SNN: variants seen among roughly 807,000 people sequenced by gnomAD.
SNN encodes stannin, also known as AG8_1.
A neutral mutation model predicts 5.3 loss-of-function variants in SNN; 5 were observed. The ratio of observed to expected loss-of-function variants is 0.94; its 90% CI spans 0.49 to 1.97. The LOEUF (loss-of-function observed/expected upper bound fraction) is 1.97. Among genes scored for constraint, SNN ranks in the 30% most tolerant of loss-of-function variants. The pLI is 0.01. For synonymous variants in SNN, 67 were observed against 52.1 expected (o/e 1.29, Z -1.24); for missense variants, 127 against 121.6 (o/e 1.04, Z -0.21).
rs1047508327 is a variant in SNN at position 11,677,038 on chromosome 16, A to G, written c.*712A>G. 1 of 167,150 alleles carries G rather than the reference A, an allele frequency of 6.0e-6. No homozygotes were observed. The highest frequency in any genetic ancestry group is 1.5e-5 in the Non-Finnish European group (1 of 68,180). The allele number at this position is 167,150 out of a possible 1,614,324, so 10.4% of individuals were successfully genotyped here. On this transcript the variant is annotated 3_prime_UTR_variant, in exon 2 of 2. Coordinates refer to ENST00000329565, the MANE Select transcript of SNN (RefSeq NM_003498.6). This position sits in a 1 kb window ranked among gnomAD's most constrained non-coding sequence, Gnocchi z 4.2. ...GGAGTTACTGCAGGGAAGCTACCGG[A>G]CCTGCCTGGGAGCCAGTGAAGGGCG...
rs2050321896 is a variant in SNN at position 11,678,036 on chromosome 16, G to A, written c.*1710G>A. On this transcript the variant is annotated 3_prime_UTR_variant, in exon 2 of 2. Coordinates refer to ENST00000329565, the MANE Select transcript of SNN (RefSeq NM_003498.6). ...AGCCGGCTGGGCCACCTGAGCAGAA[G>A]GTGGTAATGAAACACCTCAGCTGGG... The A allele has an allele frequency of 1.2e-5, 2 of 167,342 alleles. No individual in the cohort carries two copies. Among genetic ancestry groups the A allele is most frequent in the South Asian group, 4.1e-4 (2 of 4,830 alleles). The allele number at this position is 167,342 out of a possible 1,614,324, so 10.4% of individuals were successfully genotyped here. A position where few individuals can be genotyped will look rare whatever the true frequency, so the allele number is the denominator to read the frequency against.
intron 1 of SNN, among the ~76,000 whole-genome samples, chr16:11,673,179 A>G (rs2050276968): frequency 6.6e-6 from 1 of 152,104 alleles, no homozygotes; most frequent in Non-Finnish European, 1.5e-5. Flanking sequence ...AGGCTCACCC[A>G]GCCATGGTGG....
In SNN at chr16:11,678,897, C is replaced by G; in HGVS notation, c.*2571C>G. 2.6e-6 allele frequency: 1 copy of G among 382,232 alleles called. No homozygotes were observed. Among genetic ancestry groups the G allele is most frequent in the South Asian group, 3.1e-5 (1 of 31,942 alleles). 23.7% of individuals were successfully genotyped at this position (382,232 alleles called of 1,614,324 possible). Reference sequence around the variant, plus strand: ...TAAGCATTCATCCTTCGTATCACTGCAGAAGCAACAGTGGGGGCACAGGGA... The same window carrying G: ...TAAGCATTCATCCTTCGTATCACTGGAGAAGCAACAGTGGGGGCACAGGGA... On this transcript the variant is annotated 3_prime_UTR_variant, in exon 2 of 2. Transcript: ENST00000329565.
rs1035164390 is a variant in SNN, at chr16:11,673,324, G to C, written c.-85-2651G>C. Among the ~76,000 whole-genome samples the C allele has an allele frequency of 3.9e-5, 6 of 152,270 alleles. No individual in the cohort carries two copies. In the South Asian group the frequency reaches 8.3e-4, roughly 21 times the overall value. On this transcript the variant is annotated intron_variant, in intron 1 of 1. Coordinates refer to ENST00000329565, the MANE Select transcript of SNN (RefSeq NM_003498.6). Reference sequence around the variant, plus strand: ...CTGTACATGCAGGGGACAGAGCAGGGCCACCGTGGAGCTCATGGCCCGCTG... The same window carrying C: ...CTGTACATGCAGGGGACAGAGCAGGCCCACCGTGGAGCTCATGGCCCGCTG...
intron 1 of SNN, among the ~76,000 whole-genome samples, chr16:11,670,326 G>C (rs1219909662): frequency 6.6e-6 from 1 of 151,668 alleles, no homozygotes; most frequent in East Asian, 1.9e-4. Context: ...GCTGCAAGGC[G>C]GGGGTGTTTT....
At position 11,676,290 on chromosome 16, in the gene SNN, G is replaced by A; in HGVS notation, c.231G>A (p.Lys77=). 6.2e-7 allele frequency: 1 copy of A among 1,614,176 alleles called. No individual in the cohort carries two copies. The highest frequency in any genetic ancestry group is 8.5e-7 in the Non-Finnish European group (1 of 1,180,002). Reference sequence around the variant, plus strand: ...GACCGTGCGTGGAGAGAAAGGCCAAGCTGATGACTCCCAACGGCCCGGAAG... The same window carrying A: ...GACCGTGCGTGGAGAGAAAGGCCAAACTGATGACTCCCAACGGCCCGGAAG... The part of the protein sequence containing the change: ...AKGPCVERKA[K]LMTPNGPEVH... The change falls in exon 2 of 2, where the codon AAG becomes AAA. Residue 77 remains lysine, a synonymous_variant. Coordinates refer to ENST00000329565, the MANE Select transcript of SNN (RefSeq NM_003498.6).
rs2141935414 is a variant in SNN, at chr16:11,668,968, G to A, written c.-86+428G>A. ...CGTCCGGCGCCCGTCTCGCGGGTAG[G>A]GAAACTGAGGCCGGGCCGCAGCGTT... On this transcript the variant is annotated intron_variant, in intron 1 of 1. Transcript: ENST00000329565. This position sits in a 1 kb window ranked among gnomAD's most constrained non-coding sequence, Gnocchi z 6.8. Among the ~76,000 whole-genome samples, 1 of 152,172 alleles carries A rather than the reference G, an allele frequency of 6.6e-6. No homozygotes were observed. Among genetic ancestry groups the A allele is most frequent in the East Asian group, 1.9e-4 (1 of 5,156 alleles).
intron 1 of SNN, among the ~76,000 whole-genome samples, chr16:11,670,664 C>G (rs1473270423): frequency 6.6e-6 from 1 of 152,206 alleles, no homozygotes; most frequent in Non-Finnish European, 1.5e-5. Flanking sequence ...AAACTGAGGC[C>G]AAGAGGAGCA....
Position 11,676,404 on chromosome 16 carries a change from GCTGT to G in SNN, c.*82_*85del. Reference sequence around the variant, plus strand: ...AGGGGCAAAACCATACGGATGCGCTGCTGTCTGAGAGGAAGGGCTGACACTTGCT... The same window carrying G: ...AGGGGCAAAACCATACGGATGCGCTGCTGAGAGGAAGGGCTGACACTTGCT... On this transcript the variant is annotated 3_prime_UTR_variant, in exon 2 of 2. Transcript: ENST00000329565. The G allele has an allele frequency of 6.7e-7, 1 of 1,485,190 alleles. No homozygotes were observed. The highest frequency in any genetic ancestry group is 1.3e-5 in the South Asian group (1 of 78,152). The allele number at this position is 1,485,190 out of a possible 1,614,324, so 92.0% of individuals were successfully genotyped here. A position where few individuals can be genotyped will look rare whatever the true frequency, so the allele number is the denominator to read the frequency against.
chr16:11,669,481 G>C (rs572791338), intron 1 of SNN, among the ~76,000 whole-genome samples: 2 of 152,242 alleles, frequency 1.3e-5, no homozygotes, highest in Non-Finnish European at 1.5e-5. Flanking sequence ...ATCCCTGCGC[G>C]TCTACTTTTG....
chr16:11,675,258 C>CTTT (rs769141223), intron 1 of SNN, among the ~76,000 whole-genome samples: 20 of 125,318 alleles, frequency 1.6e-4, no homozygotes, highest in East Asian at 2.3e-4. Context: ...TTTTTTTTTT[C>CTTT]TTTTTTTTTT....
chr16:11,669,372 G>A (rs2050251556), intron 1 of SNN, among the ~76,000 whole-genome samples: 1 of 152,256 alleles, frequency 6.6e-6, no homozygotes, highest in Non-Finnish European at 1.5e-5. Context: ...TCACCTGTCC[G>A]CGGCCCCTCA....
chr16:11,678,890 A>G lies in SNN; in HGVS notation c.*2564A>G. On this transcript the variant is annotated 3_prime_UTR_variant, in exon 2 of 2. Transcript: ENST00000329565. ...AAGAAATTAAGCATTCATCCTTCGT[A>G]TCACTGCAGAAGCAACAGTGGGGGC... The G allele has an allele frequency of 2.9e-6, 1 of 339,364 alleles. No individual in the cohort carries two copies. The highest frequency in any genetic ancestry group is 3.9e-5 in the South Asian group (1 of 25,510). 21.0% of individuals were successfully genotyped at this position (339,364 alleles called of 1,614,324 possible).
rs984701584 is a variant in SNN, at chr16:11,672,520, G to C, written c.-85-3455G>C. Reference sequence around the variant, plus strand: ...GTGGGGACGCCTGGGGAGGCAGGGAGCTTGGATTCTCTTTGGTGCTGGGGA... The same window carrying C: ...GTGGGGACGCCTGGGGAGGCAGGGACCTTGGATTCTCTTTGGTGCTGGGGA... On this transcript the variant is annotated intron_variant, in intron 1 of 1. Transcript: ENST00000329565. The surrounding 1 kb of genome is among the most constrained non-coding windows in gnomAD (Gnocchi z 6.0). Among the ~76,000 whole-genome samples, 1 of 152,308 alleles carries C rather than the reference G, an allele frequency of 6.6e-6. No homozygotes were observed. Among genetic ancestry groups the C allele is most frequent in the African/African-American group, 2.4e-5 (1 of 41,568 alleles).
At position 11,672,067 on chromosome 16, in the gene SNN, A is replaced by T. The variant is rs1256903178; in HGVS notation, c.-86+3527A>T. ...TGCTCAGGGTTCTGGGAGTGCCCTG[A>T]GTGTCAGGGACCCCCCCACCTATGA... On this transcript the variant is annotated intron_variant, in intron 1 of 1. Transcript: ENST00000329565. The surrounding 1 kb of genome is among the most constrained non-coding windows in gnomAD (Gnocchi z 6.0). Among the ~76,000 whole-genome samples, 1 of 149,104 alleles carries T rather than the reference A, an allele frequency of 6.7e-6. No individual in the cohort carries two copies. Among genetic ancestry groups the T allele is most frequent in the Admixed American group, 6.6e-5 (1 of 15,158 alleles).
intron 1 of SNN, among the ~76,000 whole-genome samples, chr16:11,674,583 G>A (rs922328598): frequency 4.6e-5 from 7 of 152,232 alleles, no homozygotes; most frequent in African/African-American, 1.7e-4. Flanking sequence ...TGGAGGTGGT[G>A]GTCCCAGCCC....
chr16:11,676,831 T>C lies in SNN; in HGVS notation c.*505T>C, dbSNP rs1326065106. On this transcript the variant is annotated 3_prime_UTR_variant, in exon 2 of 2. Coordinates refer to ENST00000329565, the MANE Select transcript of SNN (RefSeq NM_003498.6). The stretch of plus-strand genomic sequence containing the variant: ...CCACACTCGGCAGGGGTCTCTCATG[T>C]GTGTCCATCTGCGTGTATGTCAAGG... The C allele has an allele frequency of 5.8e-6, 1 of 171,206 alleles. No individual in the cohort carries two copies. Among genetic ancestry groups the C allele is most frequent in the Non-Finnish European group, 1.4e-5 (1 of 70,440 alleles). 10.6% of individuals were successfully genotyped at this position (171,206 alleles called of 1,614,324 possible).
chr16:11,678,067 G>A lies in SNN; in HGVS notation c.*1741G>A, dbSNP rs1209326172. 6.0e-6 allele frequency: 1 copy of A among 167,140 alleles called. No individual in the cohort carries two copies. The highest frequency in any genetic ancestry group is 1.9e-4 in the East Asian group (1 of 5,210). The allele number at this position is 167,140 out of a possible 1,614,324, so 10.4% of individuals were successfully genotyped here. ...AATGAAACACCTCAGCTGGGCTCTT[G>A]GGAGACCTTAGGAAGCAGGAGAGGC... is the stretch of plus-strand genomic sequence containing the variant. On this transcript the variant is annotated 3_prime_UTR_variant, in exon 2 of 2. Transcript: ENST00000329565.
rs1287932589 is a variant in SNN at position 11,677,570 on chromosome 16, G to A, written c.*1244G>A. On this transcript the variant is annotated 3_prime_UTR_variant, in exon 2 of 2. Coordinates refer to ENST00000329565, the MANE Select transcript of SNN (RefSeq NM_003498.6). The surrounding 1 kb of genome is among the most constrained non-coding windows in gnomAD (Gnocchi z 4.2). Reference sequence around the variant, plus strand: ...GCCGGGGCAGGGCAGAGGTGAACTTGAAGTTCAGGACTTGACTCTCCCACA... The same window carrying A: ...GCCGGGGCAGGGCAGAGGTGAACTTAAAGTTCAGGACTTGACTCTCCCACA... 1 of 167,062 alleles carries A rather than the reference G, an allele frequency of 6.0e-6. No homozygotes were observed. The highest frequency in any genetic ancestry group is 1.5e-5 in the Non-Finnish European group (1 of 68,140). The allele number at this position is 167,062 out of a possible 1,614,324, so 10.3% of individuals were successfully genotyped here. A position where few individuals can be genotyped will look rare whatever the true frequency, so the allele number is the denominator to read the frequency against.
Sources: gnomAD v4.1 joint callset for allele counts (sites outside exome capture counted in the v4.1 genomes callset) on GRCh38, gnomAD v4.1.1 for gene constraint, Gnocchi (gnomAD v3.1) non-coding constraint, MANE v1.5 for transcripts, NCBI Gene and HGNC (gene_info 2026-07-23, HGNC 2026-07-21) for gene names.